ANGPT4: variants seen among roughly 807,000 people sequenced by gnomAD.
ANGPT4 encodes angiopoietin 4.
ANGPT4 carries 50 observed loss-of-function variants against 53.0 expected under a neutral mutation model. The observed-to-expected ratio is 0.94, with a 90% CI of 0.75 to 1.20. The LOEUF is 1.20. ANGPT4 is among the 50% of genes most tolerant of loss of function. The pLI, the probability that ANGPT4 is intolerant of heterozygous loss-of-function variation, is 0.00. For synonymous variants in ANGPT4, 251 were observed against 259.7 expected, an observed-to-expected ratio of 0.97 and a Z score of 0.32; for missense variants, 648 against 637.1, an observed-to-expected ratio of 1.02 and a Z score of -0.18.
chr20:879,950 C>T, intron 5 of ANGPT4, 102 bp from the exon 6 acceptor site: 1 of 689,644 alleles, frequency 1.5e-6, no homozygotes. Context: ...CCCCACAGAG[C>T]AACAGGTGAG....
At chr20:886,749 G>A (rs766085349) in intron 3 of ANGPT4, among the ~76,000 whole-genome samples, 7 of 152,166 alleles carry the variant, frequency 4.6e-5, no homozygotes, top group African/African-American at 1.2e-4. Flanking sequence ...GAGAAAAACC[G>A]AATGGTTGTA....
In ANGPT4 at chr20:871,342, T is replaced by C. The variant is rs1980933554; in HGVS notation, c.*1618A>G. On this transcript the variant is annotated 3_prime_UTR_variant, in exon 9 of 9. Coordinates refer to ENST00000381922, the MANE Select transcript of ANGPT4 (RefSeq NM_015985.4). ...GGGGGATGAAGGGGTCCCATTCCCATTGGCTCAGTCTCATCCAGGAGAAAA... is the reference window on the plus strand; with the variant it reads ...GGGGGATGAAGGGGTCCCATTCCCACTGGCTCAGTCTCATCCAGGAGAAAA... 1 of 152,292 alleles carries C rather than the reference T, an allele frequency of 6.6e-6. No individual in the cohort carries two copies. The allele number at this position is 152,292 out of a possible 1,614,324, so 9.4% of individuals were successfully genotyped here. A position where few individuals can be genotyped will look rare whatever the true frequency, so the allele number is the denominator to read the frequency against.
At chr20:899,218 A>G (rs1334268119) in intron 1 of ANGPT4, among the ~76,000 whole-genome samples, 4 of 151,630 alleles carry the variant, frequency 2.6e-5, no homozygotes, top group Non-Finnish European at 5.9e-5. Context: ...AGACTCCTTA[A>G]AACTCCCCAG....
intron 7 of ANGPT4, among the ~76,000 whole-genome samples, chr20:876,965 G>A (rs1174248364): frequency 1.3e-5 from 2 of 152,168 alleles, no homozygotes; most frequent in East Asian, 3.9e-4. Context: ...GAAGGTCACT[G>A]GAGCCTGGGA....
At chr20:876,144 C>CAAA (rs3030778) in intron 7 of ANGPT4, among the ~76,000 whole-genome samples, 1,859 of 98,982 alleles carry the variant, frequency 0.019, 38 homozygotes, top group African/African-American at 0.05. Context: ...AGCCCTGTCT[C>CAAA]AAAAAAAAAA....
rs1380624662 is a variant in ANGPT4 at position 874,503 on chromosome 20, C to G, written c.1221-89G>C. 3 of 1,543,896 alleles carry G rather than the reference C, an allele frequency of 1.9e-6. No homozygotes were observed. The African/African-American group carries it at 4.1e-5, about 21-fold the overall frequency. On this transcript the variant is annotated intron_variant, in intron 7 of 8. Transcript: ENST00000381922. ...CAAGAACTTCCCCAGTGGCTTTGTCCCAGGCTGGGCTTCCCCTCCAGGTGT... is the reference window on the plus strand; with the variant it reads ...CAAGAACTTCCCCAGTGGCTTTGTCGCAGGCTGGGCTTCCCCTCCAGGTGT...
chr20:895,872 T>C (rs1167644603), intron 1 of ANGPT4, among the ~76,000 whole-genome samples: 1 of 151,938 alleles, frequency 6.6e-6, no homozygotes, highest in Non-Finnish European at 1.5e-5. Flanking sequence ...GAATCTGTGA[T>C]TGCCAGGGCC....
At chr20:874,635 A>G (rs1287266593) in intron 7 of ANGPT4, among the ~76,000 whole-genome samples, 2 of 152,228 alleles carry the variant, frequency 1.3e-5, no homozygotes, top group Non-Finnish European at 2.9e-5. Flanking sequence ...ACTGTATGCC[A>G]GGCCTCCCCT....
intron 5 of ANGPT4, among the ~76,000 whole-genome samples, chr20:880,587 C>CA (rs111674845): frequency 0.12 from 16,869 of 143,598 alleles, 1,527 homozygotes; most frequent in African/African-American, 0.27. Flanking sequence ...GACCCTGTCT[C>CA]AAAAAAAAAA....
chr20:883,842 G>A (rs1344325701), intron 4 of ANGPT4, among the ~76,000 whole-genome samples: 3 of 152,228 alleles, frequency 2.0e-5, no homozygotes, highest in Non-Finnish European at 4.4e-5. Context: ...CCAGGTCTGT[G>A]CATACGCCAG....
At chr20:882,758 G>T (rs1285955127) in intron 4 of ANGPT4, among the ~76,000 whole-genome samples, 1 of 152,142 alleles carries the variant, frequency 6.6e-6, no homozygotes, top group Non-Finnish European at 1.5e-5. Flanking sequence ...CCTTTCCAAG[G>T]CTCTGCTCAC....
At chr20:887,960 C>T (rs1404577873) in intron 3 of ANGPT4, among the ~76,000 whole-genome samples, 1 of 152,008 alleles carries the variant, frequency 6.6e-6, no homozygotes, top group African/African-American at 2.4e-5. Flanking sequence ...AGATGCCTAT[C>T]CCCTGTCCCA....
chr20:890,264 G>A lies in ANGPT4; in HGVS notation c.414C>T (p.Leu138=). ...TAPMLELGTS[L]LNQTTAQIRK... ...GGATCTGGGCAGTGGTCTGGTTCAG[G>A]AGGCTGGTGCCCAGCTCTAGCATGG... The change falls in exon 2 of 9, where the codon CTC becomes CTT. Residue 138 remains leucine (L), a synonymous_variant. Transcript: ENST00000381922. The A allele has an allele frequency of 6.2e-7, 1 of 1,614,024 alleles. No homozygotes were observed. The highest frequency in any genetic ancestry group is 8.5e-7 in the Non-Finnish European group (1 of 1,179,992).
In ANGPT4 at chr20:872,893, C is replaced by T. The variant is rs1980999110; in HGVS notation, c.*67G>A. Reference sequence around the variant, plus strand: ...GTGGCACAGTGTCTTGCATCTGGGTCCAGGTTGTCCAGGAGTGCCAAGTCC... The same window carrying T: ...GTGGCACAGTGTCTTGCATCTGGGTTCAGGTTGTCCAGGAGTGCCAAGTCC... On this transcript the variant is annotated 3_prime_UTR_variant, in exon 9 of 9. Coordinates refer to ENST00000381922, the MANE Select transcript of ANGPT4 (RefSeq NM_015985.4). The T allele has an allele frequency of 3.8e-6, 6 of 1,588,964 alleles. No individual in the cohort carries two copies. Among genetic ancestry groups the T allele is most frequent in the Admixed American group, 1.7e-5 (1 of 59,184 alleles).
rs374332736 is a variant in ANGPT4, at chr20:872,948, C to A, written c.*12G>T. ...TTCTCCTGTGTGGTCCAGCCTCTGGCACAGCTGCTCGTTAGATGTCCAAAG... is the reference window on the plus strand; with the variant it reads ...TTCTCCTGTGTGGTCCAGCCTCTGGAACAGCTGCTCGTTAGATGTCCAAAG... On this transcript the variant is annotated 3_prime_UTR_variant, in exon 9 of 9. Coordinates refer to ENST00000381922, the MANE Select transcript of ANGPT4 (RefSeq NM_015985.4). 2.0e-5 allele frequency: 32 copies of A among 1,613,546 alleles called. No individual in the cohort carries two copies. The highest frequency in any genetic ancestry group is 2.5e-5 in the Non-Finnish European group (30 of 1,179,900).
At chr20:881,341 G>C (rs1358868425) in intron 4 of ANGPT4, 55 bp from the exon 5 acceptor site, 2 of 1,509,168 alleles carry the variant, frequency 1.3e-6, no homozygotes. Flanking sequence ...AGAGAGAAGG[G>C]GCCAAGTGGG....
intron 1 of ANGPT4, among the ~76,000 whole-genome samples, chr20:892,511 G>T (rs6108122): frequency 6.6e-6 from 1 of 151,404 alleles, no homozygotes; most frequent in Non-Finnish European, 1.5e-5. Context: ...CAGGAGGATC[G>T]CTGGAGCCTG....
chr20:910,926 C>G (rs2122135944), intron 1 of ANGPT4, among the ~76,000 whole-genome samples: 1 of 152,014 alleles, frequency 6.6e-6, no homozygotes, highest in African/African-American at 2.4e-5. Context: ...TCCCATTCCT[C>G]TAAGAAGCAG....
At chr20:888,716 C>T (rs1291575740) in intron 2 of ANGPT4, among the ~76,000 whole-genome samples, 1 of 152,226 alleles carries the variant, frequency 6.6e-6, no homozygotes, top group Non-Finnish European at 1.5e-5. Flanking sequence ...AACTCATCTG[C>T]AGGTCCTGTC....
Sources: allele counts gnomAD v4.1 joint callset (sites outside exome capture counted in the v4.1 genomes callset), GRCh38; gene constraint gnomAD v4.1.1; transcripts MANE v1.5; gene names NCBI Gene and HGNC (gene_info 2026-07-23, HGNC 2026-07-21).